Variants in NRXN3 observed in about 807,000 individuals in gnomAD.
The protein encoded by NRXN3 is neurexin III.
Under a neutral mutation model 137.6 loss-of-function variants are expected in NRXN3, and 32 were observed. The ratio of observed to expected loss-of-function variants is 0.23; its 90% confidence interval spans 0.18 to 0.31. The LOEUF (loss-of-function observed/expected upper bound fraction) is 0.31, where lower values mean the gene tolerates loss of function less well. Among genes scored for constraint, NRXN3 ranks in the 10% least tolerant of loss-of-function variants. The probability of loss-of-function intolerance (pLI) is 1.00; values close to 1 mark genes in which losing one functional copy is unlikely to be tolerated. For synonymous variants in NRXN3, 798 were observed against 784.5 expected, an observed-to-expected ratio of 1.02 and a Z score of -0.29; for missense variants, 1,574 against 2,062.5, an observed-to-expected ratio of 0.76 and a Z score of 4.59.
At chr14:78,713,947 A>T (rs1008659961) in intron 7 of NRXN3, among the ~76,000 whole-genome samples, 1 of 152,228 alleles carries the variant, frequency 6.6e-6, no homozygotes, top group Non-Finnish European at 1.5e-5. Flanking sequence ...GCCAAACCAT[A>T]TCATTTATTT....
intron 4 of NRXN3, among the ~76,000 whole-genome samples, chr14:78,401,890 C>T (rs1308446951): frequency 1.3e-5 from 2 of 152,192 alleles, no homozygotes; most frequent in African/African-American, 4.8e-5. Context: ...ATTTTTAATG[C>T]CTTGACTAGA....
At chr14:79,045,044 AC>A (rs1158421880) in intron 15 of NRXN3, among the ~76,000 whole-genome samples, 2 of 152,180 alleles carry the variant, frequency 1.3e-5, no homozygotes, top group African/African-American at 4.8e-5. Flanking sequence ...AAAATATAAA[AC>A]AAAAACAACT....
chr14:79,410,798 C>T (rs2095406599), intron 15 of NRXN3, among the ~76,000 whole-genome samples: 1 of 152,088 alleles, frequency 6.6e-6, no homozygotes, highest in Non-Finnish European at 1.5e-5. Context: ...TTTGTTGAGT[C>T]TCAACCACTG....
At chr14:79,433,619 T>G (rs2095798885) in intron 15 of NRXN3, among the ~76,000 whole-genome samples, 1 of 152,196 alleles carries the variant, frequency 6.6e-6, no homozygotes, top group Non-Finnish European at 1.5e-5. Flanking sequence ...GCTCGTTTCA[T>G]ATGTTCACGA....
intron 15 of NRXN3, among the ~76,000 whole-genome samples, chr14:79,304,087 A>G (rs1318345787): frequency 6.6e-6 from 1 of 152,138 alleles, no homozygotes; most frequent in African/African-American, 2.4e-5. Flanking sequence ...GAAACGTGCT[A>G]GCTGAGCAGT....
chr14:78,807,203 A>G (rs1387436965), intron 9 of NRXN3, among the ~76,000 whole-genome samples: 1 of 152,216 alleles, frequency 6.6e-6, no homozygotes, highest in African/African-American at 2.4e-5. Flanking sequence ...GGGAAAAGAC[A>G]GTTGATATGG....
At chr14:78,731,682 C>G (rs1266287387) in intron 8 of NRXN3, among the ~76,000 whole-genome samples, 1 of 149,366 alleles carries the variant, frequency 6.7e-6, no homozygotes, top group East Asian at 2.0e-4. Flanking sequence ...TTTGTGAATA[C>G]ATATATTCTA....
intron 15 of NRXN3, among the ~76,000 whole-genome samples, chr14:79,390,307 ACT>A (rs1278663819): frequency 1.5e-5 from 2 of 133,956 alleles, no homozygotes; most frequent in African/African-American, 2.8e-5. Flanking sequence ...GCAGAGCGAG[ACT>A]CTGTCTCAAA....
chr14:78,652,661 T>C (rs2097756276), intron 6 of NRXN3, among the ~76,000 whole-genome samples: 1 of 152,250 alleles, frequency 6.6e-6, no homozygotes, highest in Admixed American at 6.5e-5. Context: ...GTATATGAGA[T>C]GGCACTGTCC....
chr14:79,660,410 C>A (rs2098527745), intron 16 of NRXN3, among the ~76,000 whole-genome samples: 1 of 152,112 alleles, frequency 6.6e-6, no homozygotes, highest in African/African-American at 2.4e-5. Context: ...AATGAAACAC[C>A]TGGGAAAGGA....
intron 15 of NRXN3, among the ~76,000 whole-genome samples, chr14:79,238,783 TATTTATGTGTA>T (rs1206727282): frequency 6.6e-6 from 1 of 152,116 alleles, no homozygotes; most frequent in African/African-American, 2.4e-5. Context: ...GTGTTTCCAT[TATTTATGTGTA>T]ATTTGGAGAA....
chr14:78,665,077 A>G (rs555409415), intron 6 of NRXN3, among the ~76,000 whole-genome samples: 8 of 152,356 alleles, frequency 5.3e-5, no homozygotes, highest in South Asian at 2.1e-4. Context: ...TATAAAGTCT[A>G]TGACCCTATG....
chr14:78,236,998 A>G (rs1567042562), intron 1 of NRXN3, among the ~76,000 whole-genome samples: 1 of 152,214 alleles, frequency 6.6e-6, no homozygotes, highest in African/African-American at 2.4e-5. Flanking sequence ...GGAGGGGTAC[A>G]GTTTAATTGA....
intron 6 of NRXN3, among the ~76,000 whole-genome samples, chr14:78,699,992 A>G (rs1465598710): frequency 6.6e-6 from 1 of 152,212 alleles, no homozygotes; most frequent in Non-Finnish European, 1.5e-5. Flanking sequence ...TAGCAACCAG[A>G]GGGCACAGAA....
chr14:79,636,404 G>A (rs536301827), intron 16 of NRXN3, among the ~76,000 whole-genome samples: 1 of 151,912 alleles, frequency 6.6e-6, no homozygotes, highest in African/African-American at 2.4e-5. Flanking sequence ...TTTTGTTTTT[G>A]TTTTTCTTTT....
chr14:79,413,031 C>T (rs2095441851), intron 15 of NRXN3, among the ~76,000 whole-genome samples: 1 of 152,054 alleles, frequency 6.6e-6, no homozygotes, highest in Non-Finnish European at 1.5e-5. Context: ...ACTGTCCTTG[C>T]CCTTCATATA....
At chr14:78,466,462 A>G (rs2095109581) in intron 4 of NRXN3, among the ~76,000 whole-genome samples, 1 of 152,224 alleles carries the variant, frequency 6.6e-6, no homozygotes, top group South Asian at 2.1e-4. Flanking sequence ...CTAGGCGTGA[A>G]GGGATGGAAA....
rs573709312 is a variant in NRXN3 at position 79,543,187 on chromosome 14, C to T, written c.3444+75785C>T. On this transcript the variant is annotated intron_variant, in intron 16 of 20. Transcript: ENST00000335750. The stretch of plus-strand genomic sequence containing the variant: ...ACATGCCAGTTGTCATCTTCCAAGG[C>T]ATCACCTGATTGCCAACTCAGGTCA... Among the ~76,000 whole-genome samples the T allele has an allele frequency of 4.6e-5, 7 of 152,316 alleles. No homozygotes were observed. The South Asian group carries it at 1.5e-3, about 32-fold the overall frequency.
chr14:79,773,356 C>T (rs1217351637), intron 19 of NRXN3, among the ~76,000 whole-genome samples: 7 of 152,096 alleles, frequency 4.6e-5, no homozygotes, highest in East Asian at 1.9e-4. Context: ...TTATTCACAA[C>T]AGCAAAGACT....
Sources: allele counts gnomAD v4.1 joint callset (sites outside exome capture counted in the v4.1 genomes callset), GRCh38; gene constraint gnomAD v4.1.1; transcripts MANE v1.5; gene names NCBI Gene and HGNC (gene_info 2026-07-23, HGNC 2026-07-21).